Variants in NUDT19 observed in about 807,000 individuals in gnomAD.
NUDT19 encodes the protein acyl-coenzyme A diphosphatase NUDT19.
NUDT19 carries 31 observed loss-of-function variants against 22.2 expected under a neutral mutation model. The ratio of observed to expected loss-of-function variants is 1.40; its 90% CI spans 1.05 to 1.89. The LOEUF (loss-of-function observed/expected upper bound fraction) is 1.89. NUDT19 is among the 40% of genes most tolerant of loss of function. The probability of loss-of-function intolerance (pLI) is 0.00; values close to 1 mark genes in which losing one functional copy is unlikely to be tolerated. For synonymous variants in NUDT19, 325 were observed against 230.8 expected (o/e 1.41, Z -3.70); for missense variants, 752 against 514.2 (o/e 1.46, Z -4.47).
intron 1 of NUDT19, among the ~76,000 whole-genome samples, chr19:32,695,081 C>T (rs1968247528): frequency 1.3e-5 from 2 of 152,202 alleles, no homozygotes; most frequent in South Asian, 4.1e-4. Context: ...GGCCTCAGTG[C>T]TTTTGGGCTA....
At chr19:32,693,028 C>T (rs1968219549) in intron 1 of NUDT19, among the ~76,000 whole-genome samples, 2 of 152,208 alleles carry the variant, frequency 1.3e-5, no homozygotes, top group Admixed American at 1.3e-4. Flanking sequence ...TCCAGTCTTC[C>T]TATTTTTATT....
intron 1 of NUDT19, 39 bp downstream of exon 1, chr19:32,692,713 C>G (rs774544845): frequency 1.4e-6 from 2 of 1,399,322 alleles, no homozygotes; most frequent in African/African-American, 3.0e-5. Flanking sequence ...ACCGCCAGGA[C>G]GTGAGAGGGA....
chr19:32,713,668 A>G lies in NUDT19; in HGVS notation c.*1711A>G, dbSNP rs560965114. 2 of 152,340 alleles carry G rather than the reference A, an allele frequency of 1.3e-5. No individual in the cohort carries two copies. The highest frequency in any genetic ancestry group is 2.4e-5 in the African/African-American group (1 of 41,580). The allele number at this position is 152,340 out of a possible 1,614,324, so 9.4% of individuals were successfully genotyped here. A position where few individuals can be genotyped will look rare whatever the true frequency, so the allele number is the denominator to read the frequency against. On this transcript the variant is annotated 3_prime_UTR_variant, in exon 3 of 3. Transcript: ENST00000397061. ...GTGAGAAATGATAGTTAAGACACCA[A>G]TTCCATGTCCAGATCTTTGACTGTA...
intron 1 of NUDT19, among the ~76,000 whole-genome samples, chr19:32,693,634 T>C (rs975167400): frequency 3.3e-5 from 5 of 151,804 alleles, no homozygotes; most frequent in African/African-American, 1.2e-4. Context: ...TTTTACAGAG[T>C]GCGGATTGGT....
intron 1 of NUDT19, among the ~76,000 whole-genome samples, chr19:32,698,887 T>C (rs1377840652): frequency 6.6e-6 from 1 of 152,182 alleles, no homozygotes; most frequent in African/African-American, 2.4e-5. Flanking sequence ...ACCTTACCCA[T>C]GTCCTATAAA....
rs1032605733 is a variant in NUDT19 at position 32,713,081 on chromosome 19, C to A, written c.*1124C>A. ...TTAGCTTAATGATTAAGATACAATTCTTTTTAAAATCAAATGGTATTAGTT... is the reference window on the plus strand; with the variant it reads ...TTAGCTTAATGATTAAGATACAATTATTTTTAAAATCAAATGGTATTAGTT... On this transcript the variant is annotated 3_prime_UTR_variant, in exon 3 of 3. Coordinates refer to ENST00000397061, the MANE Select transcript of NUDT19 (RefSeq NM_001105570.2). 3.9e-5 allele frequency: 6 copies of A among 152,212 alleles called. No individual in the cohort carries two copies. The highest frequency in any genetic ancestry group is 1.4e-4 in the African/African-American group (6 of 41,544). 9.4% of individuals were successfully genotyped at this position (152,212 alleles called of 1,614,324 possible). A position where few individuals can be genotyped will look rare whatever the true frequency, so the allele number is the denominator to read the frequency against.
chr19:32,696,067 C>G (rs1042707440), intron 1 of NUDT19, among the ~76,000 whole-genome samples: 8 of 152,118 alleles, frequency 5.3e-5, no homozygotes, highest in East Asian at 1.9e-4. Context: ...TCCTTTCAGG[C>G]GGCATAAGTC....
Position 32,709,469 on chromosome 19 carries a change from G to A in NUDT19, c.922+77G>A, listed in dbSNP as rs1568435298. The A allele has an allele frequency of 1.1e-5, 12 of 1,114,828 alleles. No individual in the cohort carries two copies. In the South Asian group the frequency reaches 1.2e-4, roughly 12 times the overall value. 69.1% of individuals were successfully genotyped at this position (1,114,828 alleles called of 1,614,324 possible). On this transcript the variant is annotated intron_variant, in intron 2 of 2. Coordinates refer to ENST00000397061, the MANE Select transcript of NUDT19 (RefSeq NM_001105570.2). Reference sequence around the variant, plus strand: ...GGGCTGCATGGCTGTATTGCCCAACGTAGAGACAGGAATTACAGTCTGTGT... The same window carrying A: ...GGGCTGCATGGCTGTATTGCCCAACATAGAGACAGGAATTACAGTCTGTGT...
intron 1 of NUDT19, among the ~76,000 whole-genome samples, chr19:32,699,076 G>A (rs1411598375): frequency 6.6e-6 from 1 of 152,138 alleles, no homozygotes; most frequent in African/African-American, 2.4e-5. Flanking sequence ...TTCTGAGGAG[G>A]GATTCTAAAA....
chr19:32,700,796 G>T (rs915789088), intron 1 of NUDT19, among the ~76,000 whole-genome samples: 1 of 152,092 alleles, frequency 6.6e-6, no homozygotes, highest in African/African-American at 2.4e-5. Context: ...AGCATTTTGG[G>T]AGAAGAAGGC....
intron 1 of NUDT19, among the ~76,000 whole-genome samples, chr19:32,704,630 T>C (rs577346507): frequency 1.3e-5 from 2 of 152,344 alleles, no homozygotes; most frequent in East Asian, 3.9e-4. Flanking sequence ...AGCATTGTTT[T>C]TAATGCCCTT....
Position 32,692,363 on chromosome 19 carries a change from G to T in NUDT19, c.403G>T (p.Glu135Ter), listed in dbSNP as rs1447605488. The change falls in exon 1 of 3, where the codon GAG (glutamate) becomes TAG (stop). Residue 135 changes from glutamate to a stop codon, truncating the protein, a stop_gained. Coordinates refer to ENST00000397061, the MANE Select transcript of NUDT19 (RefSeq NM_001105570.2). LOFTEE classifies it high-confidence loss of function. ...CTGCGCCGTGCGGGAGGCCTTTGAG[G>T]AGGCGGGCGTGCTGCTGCTGCGGCC... ...RICAVREAFE[E>*]AGVLLLRPRT... The T allele has an allele frequency of 1.9e-6, 3 of 1,589,926 alleles. No homozygotes were observed. The Admixed American group carries it at 5.0e-5, about 27-fold the overall frequency.
Position 32,712,074 on chromosome 19 carries a change from G to T in NUDT19, c.*117G>T. 1.4e-6 allele frequency: 1 copy of T among 739,388 alleles called. No homozygotes were observed. Among genetic ancestry groups the T allele is most frequent in the South Asian group, 1.6e-5 (1 of 61,336 alleles). 45.8% of individuals were successfully genotyped at this position (739,388 alleles called of 1,614,324 possible). On this transcript the variant is annotated 3_prime_UTR_variant, in exon 3 of 3. Coordinates refer to ENST00000397061, the MANE Select transcript of NUDT19 (RefSeq NM_001105570.2). Reference sequence around the variant, plus strand: ...TGCCTATAAAAGTTACTGCAATTCAGTATTTCTTTATTTTTTTCGAGACAG... The same window carrying T: ...TGCCTATAAAAGTTACTGCAATTCATTATTTCTTTATTTTTTTCGAGACAG...
rs1968183904 is a variant in NUDT19 at position 32,691,873 on chromosome 19, C to T, written c.-88C>T. 1 of 712,486 alleles carries T rather than the reference C, an allele frequency of 1.4e-6. No individual in the cohort carries two copies. Among genetic ancestry groups the T allele is most frequent in the Non-Finnish European group, 1.9e-6 (1 of 526,420 alleles). 44.1% of individuals were successfully genotyped at this position (712,486 alleles called of 1,614,324 possible). A position where few individuals can be genotyped will look rare whatever the true frequency, so the allele number is the denominator to read the frequency against. ...GGCTCGTCCTCAATTCCCGCGAGGC[C>T]CCCGGAGGTGCTGGGGTCCCTGCAG... is the stretch of plus-strand genomic sequence containing the variant. On this transcript the variant is annotated 5_prime_UTR_variant, in exon 1 of 3. Transcript: ENST00000397061.
rs770497907 is a variant in NUDT19 at position 32,692,457 on chromosome 19, C to T, written c.497C>T (p.Ser166Phe). Residue 166 changes from serine to phenylalanine, a missense_variant, in exon 1 of 3, where the codon TCC (serine) becomes TTC (phenylalanine). Coordinates refer to ENST00000397061, the MANE Select transcript of NUDT19 (RefSeq NM_001105570.2). ...LALEPPPGLA[S>F]WRDRVRQDPR... ...CTGGAGCCACCGCCGGGCCTGGCCT[C>T]CTGGCGCGACCGCGTGCGCCAGGAC... is the stretch of plus-strand genomic sequence containing the variant. The T allele has an allele frequency of 3.6e-5, 55 of 1,546,204 alleles. No homozygotes were observed. Among genetic ancestry groups the T allele is most frequent in the Non-Finnish European group, 4.7e-5 (54 of 1,150,762 alleles).
chr19:32,692,281 C>G lies in NUDT19; in HGVS notation c.321C>G (p.Thr107=), dbSNP rs192362382. 2.8e-4 allele frequency: 453 copies of G among 1,593,030 alleles called. 1 individual carries two copies. The African/African-American group carries it at 4.8e-3, about 17-fold the overall frequency. ...CCGCTTTCCCGTCGCTGCCCGACAC[C>G]GATGACCACAAGACCGACAACACTG... The part of the protein sequence containing the change: ...SRTAFPSLPD[T]DDHKTDNTGT... Residue 107 remains threonine, a synonymous_variant, in exon 1 of 3, where the codon ACC becomes ACG. Transcript: ENST00000397061.
At position 32,712,002 on chromosome 19, in the gene NUDT19, G is replaced by C; in HGVS notation, c.*45G>C. 1 of 1,190,892 alleles carries C rather than the reference G, an allele frequency of 8.4e-7. No individual in the cohort carries two copies. The highest frequency in any genetic ancestry group is 1.3e-6 in the Non-Finnish European group (1 of 798,094). The allele number at this position is 1,190,892 out of a possible 1,614,324, so 73.8% of individuals were successfully genotyped here. ...AAAATGGCCTACTTGAAGTCCTCATGAATAATGAGGGTTGACTTTCATTTG... is the reference window on the plus strand; with the variant it reads ...AAAATGGCCTACTTGAAGTCCTCATCAATAATGAGGGTTGACTTTCATTTG... On this transcript the variant is annotated 3_prime_UTR_variant, in exon 3 of 3. Coordinates refer to ENST00000397061, the MANE Select transcript of NUDT19 (RefSeq NM_001105570.2).
chr19:32,702,195 A>G (rs1216262272), intron 1 of NUDT19, among the ~76,000 whole-genome samples: 1 of 152,180 alleles, frequency 6.6e-6, no homozygotes, highest in Non-Finnish European at 1.5e-5. Context: ...TTCAGTAAAG[A>G]TTAATTGACA....
chr19:32,709,208 T>A lies in NUDT19; in HGVS notation c.738T>A (p.Thr246=), dbSNP rs756099199. 2 of 1,613,564 alleles carry A rather than the reference T, an allele frequency of 1.2e-6. No individual in the cohort carries two copies. The highest frequency in any genetic ancestry group is 2.2e-5 in the South Asian group (2 of 91,048). ...GYQWSSPSEA[T]ESFLSKEIWL... ...AGTGGTCATCTCCATCAGAGGCAAC[T>A]GAAAGTTTCTTATCAAAAGAAATTT... is the stretch of plus-strand genomic sequence containing the variant. The change falls in exon 2 of 3, where the codon ACT becomes ACA. Residue 246 remains threonine (T), a synonymous_variant. Transcript: ENST00000397061.
Sources: allele counts gnomAD v4.1 joint callset (sites outside exome capture counted in the v4.1 genomes callset), GRCh38; gene constraint gnomAD v4.1.1; transcripts MANE v1.5; gene names NCBI Gene and HGNC (gene_info 2026-07-23, HGNC 2026-07-21).